SLC4A10: variants seen among roughly 807,000 people sequenced by gnomAD.
The protein encoded by SLC4A10 is sodium-driven chloride bicarbonate exchanger.
A neutral mutation model predicts 137.7 loss-of-function variants in SLC4A10; 42 were observed. That is an observed-to-expected ratio of 0.30 (90% CI 0.24 to 0.39). The LOEUF (loss-of-function observed/expected upper bound fraction) is 0.39, where lower values mean the gene tolerates loss of function less well. Ranked by LOEUF, SLC4A10 falls within the 10% of genes least tolerant of loss-of-function variation. SLC4A10 has a pLI of 1.00. For missense variants in SLC4A10, 925 were observed against 1,355.0 expected, an observed-to-expected ratio of 0.68 and a Z score of 4.98; for synonymous variants, 474 against 464.1, an observed-to-expected ratio of 1.02 and a Z score of -0.27.
intron 26 of SLC4A10, among the ~76,000 whole-genome samples, chr2:161,980,994 T>C (rs938771139): frequency 5.9e-5 from 9 of 152,226 alleles, no homozygotes; most frequent in African/African-American, 2.2e-4. Context: ...GAGCTGGTTA[T>C]AAAATTTCTG....
intron 1 of SLC4A10, among the ~76,000 whole-genome samples, chr2:161,632,674 G>T (rs919581061): frequency 1.3e-5 from 2 of 151,206 alleles, no homozygotes; most frequent in Non-Finnish European, 3.0e-5. Flanking sequence ...GAATTGTCAG[G>T]AGGGCTAGTT....
intron 15 of SLC4A10, among the ~76,000 whole-genome samples, chr2:161,930,088 A>G (rs1191759018): frequency 3.9e-5 from 6 of 152,164 alleles, no homozygotes; most frequent in Non-Finnish European, 8.8e-5. Flanking sequence ...ACCAAGATCT[A>G]TAGTTTCACA....
chr2:161,812,868 T>C (rs1292972964), intron 3 of SLC4A10, among the ~76,000 whole-genome samples: 6 of 152,084 alleles, frequency 3.9e-5, no homozygotes, highest in African/African-American at 1.2e-4. Flanking sequence ...TGTATCCTTT[T>C]CCTCTGTAGT....
chr2:161,977,963 TGAA>T (rs1699652185), intron 26 of SLC4A10, among the ~76,000 whole-genome samples: 1 of 152,236 alleles, frequency 6.6e-6, no homozygotes, highest in Non-Finnish European at 1.5e-5. Context: ...GTCTGAAACT[TGAA>T]TAAACTTTAT....
intron 15 of SLC4A10, 98 bp downstream of exon 15, chr2:161,905,985 C>T: frequency 7.0e-7 from 1 of 1,425,530 alleles, no homozygotes; most frequent in Non-Finnish European, 9.3e-7. Flanking sequence ...AGAGAATGTG[C>T]CTTAAGTTGA....
At chr2:161,719,179 T>C (rs1213262457) in intron 1 of SLC4A10, among the ~76,000 whole-genome samples, 2 of 152,130 alleles carry the variant, frequency 1.3e-5, no homozygotes, top group African/African-American at 4.8e-5. Flanking sequence ...TTGTGATAGG[T>C]TGCTGAGAAT....
At chr2:161,914,388 G>T (rs1284175959) in intron 15 of SLC4A10, among the ~76,000 whole-genome samples, 1 of 152,024 alleles carries the variant, frequency 6.6e-6, no homozygotes, top group Non-Finnish European at 1.5e-5. Flanking sequence ...CTCTCTACAA[G>T]ACTGTTTAAA....
intron 1 of SLC4A10, among the ~76,000 whole-genome samples, chr2:161,630,188 G>A (rs1325625113): frequency 1.3e-5 from 2 of 151,754 alleles, no homozygotes; most frequent in East Asian, 3.9e-4. Flanking sequence ...ACACTTACCA[G>A]CATTTGGTGT....
intron 15 of SLC4A10, among the ~76,000 whole-genome samples, chr2:161,928,878 A>G (rs1027135878): frequency 1.3e-5 from 2 of 152,242 alleles, no homozygotes; most frequent in East Asian, 1.9e-4. Context: ...GAAAACATAT[A>G]TGTATGTATA....
At chr2:161,810,382 G>A (rs1294019677) in intron 3 of SLC4A10, among the ~76,000 whole-genome samples, 2 of 151,934 alleles carry the variant, frequency 1.3e-5, no homozygotes, top group African/African-American at 2.4e-5. Context: ...GATTGCTCTG[G>A]CTAGGTCTTC....
chr2:161,854,117 G>A (rs908681096), intron 4 of SLC4A10, among the ~76,000 whole-genome samples: 3 of 152,050 alleles, frequency 2.0e-5, no homozygotes, highest in African/African-American at 4.8e-5. Flanking sequence ...TGGTGGAGAT[G>A]GAGGTAGGCA....
chr2:161,790,949 T>A (rs1295292760), intron 2 of SLC4A10, among the ~76,000 whole-genome samples: 37 of 152,142 alleles, frequency 2.4e-4, no homozygotes, highest in Non-Finnish European at 4.4e-5. Flanking sequence ...ATGGCTATTA[T>A]TAAAACGTCA....
intron 4 of SLC4A10, among the ~76,000 whole-genome samples, chr2:161,853,369 G>A (rs2059931289): frequency 1.3e-5 from 2 of 152,168 alleles, no homozygotes; most frequent in Admixed American, 1.3e-4. Context: ...CTTGTTGCAT[G>A]TCAAGGAAAG....
At chr2:161,669,907 G>A (rs2039496801) in intron 1 of SLC4A10, among the ~76,000 whole-genome samples, 1 of 152,006 alleles carries the variant, frequency 6.6e-6, no homozygotes, top group Admixed American at 6.6e-5. Flanking sequence ...ATTCTGCAAA[G>A]ACTAAAGAAA....
chr2:161,811,757 A>G (rs578064150), intron 3 of SLC4A10, among the ~76,000 whole-genome samples: 6 of 152,102 alleles, frequency 3.9e-5, no homozygotes, highest in Admixed American at 2.0e-4. Flanking sequence ...CTTTCTTCCT[A>G]TTAAACGGTT....
intron 1 of SLC4A10, among the ~76,000 whole-genome samples, chr2:161,694,615 A>G (rs1404018110): frequency 1.3e-5 from 2 of 152,060 alleles, no homozygotes; most frequent in Non-Finnish European, 2.9e-5. Context: ...ACAAGGGCAT[A>G]ACAAACTATT....
At chr2:161,856,515 T>G (rs1444643035) in intron 5 of SLC4A10, among the ~76,000 whole-genome samples, 1 of 151,936 alleles carries the variant, frequency 6.6e-6, no homozygotes, top group Non-Finnish European at 1.5e-5. Context: ...AAGTTAAACA[T>G]AAATGTATAA....
At chr2:161,742,609 T>C (rs2048024888) in intron 1 of SLC4A10, among the ~76,000 whole-genome samples, 1 of 151,918 alleles carries the variant, frequency 6.6e-6, no homozygotes, top group Non-Finnish European at 1.5e-5. Flanking sequence ...CCTGGCTTTT[T>C]TTGTATTTTT....
rs184653624 is a variant in SLC4A10, at chr2:161,878,519, A to G, written c.949-612A>G. The stretch of plus-strand genomic sequence containing the variant: ...GTCAGAAATTCAACTATAGCTCTTC[A>G]GTAACTCCAAATGTTAATATTTTTT... On this transcript the variant is annotated intron_variant, in intron 8 of 26. Coordinates refer to ENST00000446997, the MANE Select transcript of SLC4A10 (RefSeq NM_001178015.2). Among the ~76,000 whole-genome samples the G allele has an allele frequency of 4.3e-3, 662 of 152,244 alleles. 6 individuals are homozygous for G. Among genetic ancestry groups the G allele is most frequent in the Non-Finnish European group, 7.8e-3 (528 of 68,002 alleles).
Sources: allele counts gnomAD v4.1 joint callset (sites outside exome capture counted in the v4.1 genomes callset), GRCh38; gene constraint gnomAD v4.1.1; transcripts MANE v1.5; gene names NCBI Gene and HGNC (gene_info 2026-07-23, HGNC 2026-07-21).